The following PCCA variants were observed in gnomAD, a reference collection of about 807,000 sequenced individuals.
PCCA encodes propionyl-CoA carboxylase alpha chain, mitochondrial.
PCCA carries 74 observed loss-of-function variants against 101.3 expected under a neutral mutation model. The ratio of observed to expected loss-of-function variants is 0.73; its 90% CI spans 0.61 to 0.89. The LOEUF is 0.89. Among genes scored for constraint, PCCA ranks in the 40% least tolerant of loss-of-function variants. The probability of loss-of-function intolerance (pLI) is 0.00; values close to 1 mark genes in which losing one functional copy is unlikely to be tolerated. For synonymous variants in PCCA, 294 were observed against 313.6 expected (o/e 0.94, Z 0.66); for missense variants, 891 against 907.0 (o/e 0.98, Z 0.23).
At chr13:100,256,179 G>GT (rs374717663) in intron 8 of PCCA, among the ~76,000 whole-genome samples, 21 of 152,116 alleles carry the variant, frequency 1.4e-4, no homozygotes, top group Non-Finnish European at 2.5e-4. Context: ...GCTAAGTTTT[G>GT]TATTTTTAGT....
At chr13:100,306,525 G>A (rs948040065) in intron 14 of PCCA, among the ~76,000 whole-genome samples, 6 of 152,200 alleles carry the variant, frequency 3.9e-5, no homozygotes, top group Non-Finnish European at 8.8e-5. Context: ...AATCAGTGAT[G>A]TACTAACTCA....
intron 10 of PCCA, among the ~76,000 whole-genome samples, chr13:100,267,617 CCT>C (rs1173656647): frequency 6.6e-6 from 1 of 152,096 alleles, no homozygotes; most frequent in Non-Finnish European, 1.5e-5. Flanking sequence ...ACAGATCTTA[CCT>C]CTGTAAACCT....
In PCCA at chr13:100,209,226, A is replaced by C. The variant is rs1316525419; in HGVS notation, c.469-106A>C. The C allele has an allele frequency of 3.1e-6, 3 of 957,950 alleles. No homozygotes were observed. In the African/African-American group the frequency reaches 4.9e-5, roughly 16 times the overall value. 59.3% of individuals were successfully genotyped at this position (957,950 alleles called of 1,614,324 possible). A position where few individuals can be genotyped will look rare whatever the true frequency, so the allele number is the denominator to read the frequency against. On this transcript the variant is annotated intron_variant, in intron 6 of 23. Transcript: ENST00000376285. ...TCAAAAACTGTTGTTTCTGCAATAA[A>C]AATAATTAGAAAATACACATATGGG... is the stretch of plus-strand genomic sequence containing the variant.
At chr13:100,268,297 A>T (rs1023285631) in intron 10 of PCCA, among the ~76,000 whole-genome samples, 1 of 152,196 alleles carries the variant, frequency 6.6e-6, no homozygotes, top group Non-Finnish European at 1.5e-5. Context: ...ATCAACAGAC[A>T]TTTAATAATG....
chr13:100,160,364 A>G (rs2054323982), intron 6 of PCCA, among the ~76,000 whole-genome samples: 1 of 152,018 alleles, frequency 6.6e-6, no homozygotes, highest in South Asian at 2.1e-4. Flanking sequence ...TTGGCCAGGT[A>G]TGGTGGCACG....
At chr13:100,137,547 A>G (rs1393952156) in intron 4 of PCCA, among the ~76,000 whole-genome samples, 2 of 152,178 alleles carry the variant, frequency 1.3e-5, no homozygotes, top group African/African-American at 4.8e-5. Context: ...GGATTATTGT[A>G]TCTTTTTGGT....
At chr13:100,511,580 G>A (rs1368341623) in intron 21 of PCCA, among the ~76,000 whole-genome samples, 1 of 152,172 alleles carries the variant, frequency 6.6e-6, no homozygotes, top group Non-Finnish European at 1.5e-5. Flanking sequence ...CAACAGTTGA[G>A]GACATGAAAG....
chr13:100,266,738 T>G (rs1269706261), intron 10 of PCCA, among the ~76,000 whole-genome samples: 1 of 152,194 alleles, frequency 6.6e-6, no homozygotes, highest in Non-Finnish European at 1.5e-5. Context: ...CACCTCTCTT[T>G]GTGGCATAAA....
intron 14 of PCCA, among the ~76,000 whole-genome samples, chr13:100,304,328 T>C (rs1271593799): frequency 3.3e-5 from 5 of 152,174 alleles, no homozygotes; most frequent in Non-Finnish European, 7.3e-5. Flanking sequence ...GACCAAGGAG[T>C]AGATAAAGTG....
intron 12 of PCCA, among the ~76,000 whole-genome samples, chr13:100,299,790 A>G (rs545190336): frequency 1.3e-5 from 2 of 152,136 alleles, no homozygotes; most frequent in Admixed American, 6.5e-5. Flanking sequence ...ATCTCGGCTC[A>G]CTACAGCCTT....
chr13:100,467,393 A>T (rs2082615367), intron 21 of PCCA, among the ~76,000 whole-genome samples: 1 of 151,826 alleles, frequency 6.6e-6, no homozygotes, highest in Non-Finnish European at 1.5e-5. Flanking sequence ...TTTTTTTGAG[A>T]TGGAGTCTTG....
intron 12 of PCCA, among the ~76,000 whole-genome samples, chr13:100,284,030 C>G (rs9518043): frequency 0.95 from 144,236 of 151,736 alleles, 68,772 homozygotes; most frequent in East Asian, 1. Flanking sequence ...ACTGAGCCCC[C>G]GGTATGTTTA....
At chr13:100,409,568 G>A (rs939609298) in intron 19 of PCCA, among the ~76,000 whole-genome samples, 2 of 152,092 alleles carry the variant, frequency 1.3e-5, no homozygotes, top group Non-Finnish European at 2.9e-5. Context: ...ACTTCCTGAG[G>A]CTCCACCCCA....
intron 22 of PCCA, among the ~76,000 whole-genome samples, chr13:100,520,982 GT>G (rs1270231547): frequency 6.6e-6 from 1 of 152,030 alleles, no homozygotes; most frequent in Non-Finnish European, 1.5e-5. Flanking sequence ...AAAAATAAAA[GT>G]TTACAAAAAA....
chr13:100,095,276 G>T (rs535001278), intron 1 of PCCA, among the ~76,000 whole-genome samples: 1 of 152,134 alleles, frequency 6.6e-6, no homozygotes. Flanking sequence ...TCACTTTGTT[G>T]TATTGGCAAA....
At chr13:100,205,981 G>T (rs2058827494) in intron 6 of PCCA, among the ~76,000 whole-genome samples, 1 of 152,150 alleles carries the variant, frequency 6.6e-6, no homozygotes, top group Non-Finnish European at 1.5e-5. Flanking sequence ...TGATAGAGGT[G>T]TAGGCTTACC....
chr13:100,519,120 G>C (rs1381410975), intron 22 of PCCA, among the ~76,000 whole-genome samples: 1 of 152,284 alleles, frequency 6.6e-6, no homozygotes, highest in South Asian at 2.1e-4. Flanking sequence ...ATTGCATTTA[G>C]TTAAGATTCT....
intron 16 of PCCA, among the ~76,000 whole-genome samples, chr13:100,330,147 A>G (rs60858480): frequency 0.011 from 1,689 of 152,310 alleles, 34 homozygotes; most frequent in African/African-American, 0.038. Context: ...AATGCTCTCC[A>G]AGAGTTCGTC....
chr13:100,267,080 G>A (rs974950981), intron 10 of PCCA, among the ~76,000 whole-genome samples: 1 of 152,100 alleles, frequency 6.6e-6, no homozygotes, highest in Non-Finnish European at 1.5e-5. Flanking sequence ...AATGAACTGG[G>A]AGACTATACA....
Sources: gnomAD v4.1 joint callset for allele counts (sites outside exome capture counted in the v4.1 genomes callset) on GRCh38, gnomAD v4.1.1 for gene constraint, MANE v1.5 for transcripts, NCBI Gene and HGNC (gene_info 2026-07-23, HGNC 2026-07-21) for gene names.